The following TMEM132A variants were observed in gnomAD, a reference collection of about 807,000 sequenced individuals.
TMEM132A encodes the protein transmembrane protein 132A, also known as GRP78-binding protein.
Under a neutral mutation model 69.9 loss-of-function variants are expected in TMEM132A, and 48 were observed. That is an observed-to-expected ratio of 0.69 (90% CI 0.55 to 0.87). The LOEUF (loss-of-function observed/expected upper bound fraction) is 0.87, where lower values mean the gene tolerates loss of function less well. TMEM132A is among the 40% of genes least tolerant of loss of function. The probability of loss-of-function intolerance (pLI) is 0.00; values close to 1 mark genes in which losing one functional copy is unlikely to be tolerated. For synonymous variants in TMEM132A, 577 were observed against 613.7 expected (o/e 0.94, Z 0.88); for missense variants, 1,287 against 1,407.2 (o/e 0.91, Z 1.37).
chr11:60,936,410 G>T lies in TMEM132A; in HGVS notation c.2575G>T (p.Val859Leu), dbSNP rs61755079. 6.2e-7 allele frequency: 1 copy of T among 1,614,140 alleles called. No individual in the cohort carries two copies. Among genetic ancestry groups the T allele is most frequent in the South Asian group, 1.1e-5 (1 of 91,088 alleles). The change falls in exon 11 of 11, where the codon GTG (valine) becomes TTG (leucine). Residue 859 changes from valine to leucine, a missense_variant. Transcript: ENST00000453848. ...GTACGCCCTGCTGGGAGTCTTCTGC[G>T]TGGCCATCTTCATCTTCTTGGTCAA... ...GMYALLGVFC[V>L]AIFIFLVNGV...
intron 8 of TMEM132A, 143 bp from the exon 9 acceptor site, chr11:60,934,345 G>A (rs1444441677): frequency 1.3e-6 from 1 of 750,888 alleles, no homozygotes; most frequent in African/African-American, 1.9e-5. Flanking sequence ...ACCCCAAGAG[G>A]GGCGGATGTC....
chr11:60,935,197 G>A lies in TMEM132A; in HGVS notation c.1837-55G>A, dbSNP rs1372890837. 2.6e-6 allele frequency: 4 copies of A among 1,525,470 alleles called. No homozygotes were observed. The highest frequency in any genetic ancestry group is 3.6e-6 in the Non-Finnish European group (4 of 1,123,908). The allele number at this position is 1,525,470 out of a possible 1,614,324, so 94.5% of individuals were successfully genotyped here. A position where few individuals can be genotyped will look rare whatever the true frequency, so the allele number is the denominator to read the frequency against. The stretch of plus-strand genomic sequence containing the variant: ...TGCTGGGAGCACCCGGTTCCCTCTG[G>A]GTGGGGGCTGTCTGTATGGAAGGCC... On this transcript the variant is annotated intron_variant, in intron 9 of 10. Transcript: ENST00000453848. This position sits in a 1 kb window ranked among gnomAD's most constrained non-coding sequence, Gnocchi z 5.0.
At chr11:60,931,914 G>A in intron 6 of TMEM132A, 30 bp downstream of exon 6, 1 of 1,614,202 alleles carries the variant, frequency 6.2e-7, no homozygotes, top group Non-Finnish European at 8.5e-7. Flanking sequence ...TGCCTGGGAA[G>A]GCTGGAGGCC....
At position 60,935,248 on chromosome 11, in the gene TMEM132A, T is replaced by A; in HGVS notation, c.1837-4T>A. 1 of 1,603,272 alleles carries A rather than the reference T, an allele frequency of 6.2e-7. No homozygotes were observed. On this transcript the variant is annotated splice_polypyrimidine_tract_variant and splice_region_variant and intron_variant, in intron 9 of 10. Coordinates refer to ENST00000453848, the MANE Select transcript of TMEM132A (RefSeq NM_178031.3). This position sits in a 1 kb window ranked among gnomAD's most constrained non-coding sequence, Gnocchi z 5.0. ...CCCCACCTCCAGCTCCTTTCCACCC[T>A]CAGGTGCGTTCCCCACTGTCTGACT...
Position 60,928,877 on chromosome 11 carries a change from T to C in TMEM132A, c.783T>C (p.Pro261=). The change falls in exon 4 of 11, where the codon CCT becomes CCC. Residue 261 remains proline, a synonymous_variant. Coordinates refer to ENST00000453848, the MANE Select transcript of TMEM132A (RefSeq NM_178031.3). ...ACGAGGCTGTGACTCTGCGGGTGCC[T>C]GACATGCCAGTGCGGCCCGGCCAGC... The part of the protein sequence containing the change: ...PLDEAVTLRV[P]DMPVRPGQLF... 6.2e-7 allele frequency: 1 copy of C among 1,612,782 alleles called. No individual in the cohort carries two copies.
Position 60,936,285 on chromosome 11 carries a change from A to C in TMEM132A, c.2450A>C (p.Glu817Ala), listed in dbSNP as rs370429701. 22 of 1,613,706 alleles carry C rather than the reference A, an allele frequency of 1.4e-5. No individual in the cohort carries two copies. The highest frequency in any genetic ancestry group is 2.2e-5 in the East Asian group (1 of 44,880). The change falls in exon 11 of 11, where the codon GAG becomes GCG. Residue 817 changes from glutamate to alanine, a missense_variant. By Grantham distance (107) the Glu-to-Ala change is moderately radical (BLOSUM62 -1). Coordinates refer to ENST00000453848, the MANE Select transcript of TMEM132A (RefSeq NM_178031.3). ...GGCAAGTTTGAGCGGGCAGAGGAGG[A>C]GGCCAGGAAGGAGGAGACCGAAGCC... ...VRGKFERAEE[E>A]ARKEETEARE...
Position 60,936,766 on chromosome 11 carries a change from T to G in TMEM132A, c.2931T>G (p.Pro977=). 1 of 1,612,270 alleles carries G rather than the reference T, an allele frequency of 6.2e-7. No homozygotes were observed. Among genetic ancestry groups the G allele is most frequent in the Non-Finnish European group, 8.5e-7 (1 of 1,179,398 alleles). The part of the protein sequence containing the change: ...TFAPAPPAQS[P]EEPVGAPAVQ... ...CGCCAGCCCCTCCAGCCCAGTCACC[T>G]GAGGAGCCTGTAGGGGCCCCTGCTG... Residue 977 remains proline, a synonymous_variant, in exon 11 of 11, where the codon CCT becomes CCG. Transcript: ENST00000453848.
chr11:60,936,479 GACAGTGCC>G lies in TMEM132A; in HGVS notation c.2647_2654del (p.Ser883Ter). ...GCGCTATCAGCGCAAAGAACCTCCC[GACAGTGCC>G]ACTGACCCCACCTCCCCCCAGCCCC... On this transcript the variant is annotated frameshift_variant, in exon 11 of 11. Transcript: ENST00000453848. LOFTEE classifies it low-confidence loss of function (END_TRUNC). 6.2e-7 allele frequency: 1 copy of G among 1,614,112 alleles called. No individual in the cohort carries two copies. The highest frequency in any genetic ancestry group is 8.5e-7 in the Non-Finnish European group (1 of 1,180,004).
chr11:60,928,505 G>A lies in TMEM132A; in HGVS notation c.535-124G>A, dbSNP rs1856399445. 11 of 909,680 alleles carry A rather than the reference G, an allele frequency of 1.2e-5. No individual in the cohort carries two copies. The East Asian group carries it at 2.5e-4, about 21-fold the overall frequency. The allele number at this position is 909,680 out of a possible 1,614,324, so 56.4% of individuals were successfully genotyped here. A position where few individuals can be genotyped will look rare whatever the true frequency, so the allele number is the denominator to read the frequency against. On this transcript the variant is annotated intron_variant, in intron 3 of 10. Transcript: ENST00000453848. ...CTGTGTCACTCAGGCTGTGTCTCCGGCCCATGCTGGGCCTCCCTTTCATGA... is the reference window on the plus strand; with the variant it reads ...CTGTGTCACTCAGGCTGTGTCTCCGACCCATGCTGGGCCTCCCTTTCATGA...
Position 60,928,890 on chromosome 11 carries a change from C to T in TMEM132A, c.796C>T (p.Arg266Trp), listed in dbSNP as rs140281492. The T allele has an allele frequency of 6.8e-5, 109 of 1,612,650 alleles. No homozygotes were observed. Among genetic ancestry groups the T allele is most frequent in the Non-Finnish European group, 7.5e-5 (88 of 1,180,030 alleles). Residue 266 changes from arginine (R) to tryptophan (W), a missense_variant, in exon 4 of 11, where the codon CGG becomes TGG. Arg to Trp is a moderately radical substitution (Grantham distance 101). Coordinates refer to ENST00000453848, the MANE Select transcript of TMEM132A (RefSeq NM_178031.3). ...TCTGCGGGTGCCTGACATGCCAGTG[C>T]GGCCCGGCCAGCTCTTTAGTGCTAC... ...VTLRVPDMPV[R>W]PGQLFSATLL...
In TMEM132A at chr11:60,936,607, C is replaced by T; in HGVS notation, c.2772C>T (p.Pro924=). ...PGPPKGEGSC[P]CESGGGGEAP... ...CGCCCAAGGGGGAGGGGAGCTGCCC[C>T]TGTGAGAGTGGGGGAGGAGGGGAGG... The change falls in exon 11 of 11, where the codon CCC becomes CCT. Residue 924 remains proline, a synonymous_variant. Transcript: ENST00000453848. 6.3e-7 allele frequency: 1 copy of T among 1,584,142 alleles called. No homozygotes were observed. The highest frequency in any genetic ancestry group is 1.3e-5 in the African/African-American group (1 of 74,332).
Position 60,935,665 on chromosome 11 carries a change from C to G in TMEM132A, c.2029-199C>G. On this transcript the variant is annotated intron_variant, in intron 10 of 10. Transcript: ENST00000453848. The surrounding 1 kb of genome is among the most constrained non-coding windows in gnomAD (Gnocchi z 5.0). ...TAGATGGCTCTAACTGAGGACCCTC[C>G]CAATAACTCAGACCCTAGGGCTGAG... is the stretch of plus-strand genomic sequence containing the variant. 1 of 781,896 alleles carries G rather than the reference C, an allele frequency of 1.3e-6. No individual in the cohort carries two copies. The highest frequency in any genetic ancestry group is 2.0e-6 in the Non-Finnish European group (1 of 499,594). 48.4% of individuals were successfully genotyped at this position (781,896 alleles called of 1,614,324 possible). A position where few individuals can be genotyped will look rare whatever the true frequency, so the allele number is the denominator to read the frequency against.
At chr11:60,926,890 A>C (rs1291001718) in intron 1 of TMEM132A, among the ~76,000 whole-genome samples, 4 of 152,200 alleles carry the variant, frequency 2.6e-5, no homozygotes, top group Non-Finnish European at 4.4e-5. Context: ...GATGGAGGGC[A>C]GGAGTTGGGG....
intron 1 of TMEM132A, chr11:60,926,769 C>A: frequency 4.0e-6 from 1 of 247,232 alleles, no homozygotes; most frequent in Non-Finnish European, 8.0e-6. Context: ...CCAGCAGAGC[C>A]TGGCCAAGGA....
At position 60,930,547 on chromosome 11, in the gene TMEM132A, C is replaced by A; in HGVS notation, c.904C>A (p.Arg302Ser). 1 of 1,610,510 alleles carries A rather than the reference C, an allele frequency of 6.2e-7. No homozygotes were observed. The highest frequency in any genetic ancestry group is 1.3e-5 in the African/African-American group (1 of 74,888). The change falls in exon 5 of 11, where the codon CGC becomes AGC. Residue 302 changes from arginine (R) to serine (S), a missense_variant. Arg to Ser is a moderately radical substitution (Grantham distance 110). Coordinates refer to ENST00000453848, the MANE Select transcript of TMEM132A (RefSeq NM_178031.3). ...VKKGLHVTAARPAQPTLWTAK... is the reference protein window; with the variant it reads ...VKKGLHVTAASPAQPTLWTAK... ...GAAGGGGCTGCATGTGACAGCCGCC[C>A]GCCCAGCCCAGCCCACACTCTGGAC...
intron 7 of TMEM132A, 196 bp from the exon 8 acceptor site, chr11:60,933,345 GC>G: frequency 3.4e-6 from 2 of 584,700 alleles, no homozygotes; most frequent in Non-Finnish European, 3.0e-6. Context: ...ACCACACCCG[GC>G]TGATTTATTG....
intron 1 of TMEM132A, among the ~76,000 whole-genome samples, chr11:60,926,351 C>T (rs1856346085): frequency 6.6e-6 from 1 of 152,220 alleles, no homozygotes; most frequent in South Asian, 2.1e-4. Context: ...ACCTCTCGGC[C>T]TCATTTTCTA....
intron 7 of TMEM132A, chr11:60,932,588 G>A (rs182099785): frequency 6.5e-6 from 1 of 154,018 alleles, no homozygotes; most frequent in East Asian, 1.9e-4. Flanking sequence ...CTGAAACAAT[G>A]GCAGTTATTG....
chr11:60,924,812 A>G, intron 1 of TMEM132A, 79 bp downstream of exon 1: 2 of 1,064,606 alleles, frequency 1.9e-6, no homozygotes, highest in East Asian at 3.0e-5. Context: ...GGAGCCACCA[A>G]CCTTTGGGTT....
Sources: allele counts gnomAD v4.1 joint callset (sites outside exome capture counted in the v4.1 genomes callset), GRCh38; gene constraint gnomAD v4.1.1; non-coding constraint Gnocchi (gnomAD v3.1); transcripts MANE v1.5; gene names NCBI Gene and HGNC (gene_info 2026-07-23, HGNC 2026-07-21).